ERBB2: variants seen among roughly 807,000 people sequenced by gnomAD.
ERBB2 encodes receptor tyrosine-protein kinase erbB-2.
In ERBB2, 61 loss-of-function variants were observed where a neutral mutation model predicts 149.0. The observed-to-expected ratio is 0.41, with a 90% confidence interval of 0.33 to 0.51. The LOEUF is 0.51. Ranked by LOEUF, ERBB2 falls within the 20% of genes least tolerant of loss-of-function variation. The pLI, the probability that ERBB2 is intolerant of heterozygous loss-of-function variation, is 0.25. For missense variants in ERBB2, 1,205 were observed against 1,655.1 expected (o/e 0.73, Z 4.72); for synonymous variants, 633 against 678.8 (o/e 0.93, Z 1.05).
At chr17:39,711,477 C>T (rs541577776) in intron 7 of ERBB2, among the ~76,000 whole-genome samples, 1 of 152,328 alleles carries the variant, frequency 6.6e-6, no homozygotes, top group Admixed American at 6.5e-5. Context: ...CAGGCATGAG[C>T]CATCGTGCCT....
At chr17:39,716,455 G>A (rs2145682499) in intron 13 of ERBB2, 22 bp downstream of exon 13, 1 of 1,612,914 alleles carries the variant, frequency 6.2e-7, no homozygotes, top group Non-Finnish European at 8.5e-7. Context: ...GGAGGAGAGG[G>A]TGGCTGGAGG....
In ERBB2 at chr17:39,700,163, C is replaced by G. The variant is rs1567892136; in HGVS notation, c.-76C>G. On this transcript the variant is annotated 5_prime_UTR_variant, in exon 1 of 27. Coordinates refer to ENST00000269571, the MANE Select transcript of ERBB2 (RefSeq NM_004448.4). ...TGCGCCGCGCGCCCGGCCCCCACCCCTCGCAGCACCCCGCGCCCCGCGCCC... is the reference window on the plus strand; with the variant it reads ...TGCGCCGCGCGCCCGGCCCCCACCCGTCGCAGCACCCCGCGCCCCGCGCCC... The G allele has an allele frequency of 6.7e-6, 9 of 1,335,158 alleles. No homozygotes were observed. Among genetic ancestry groups the G allele is most frequent in the South Asian group, 4.1e-5 (2 of 48,840 alleles). 82.7% of individuals were successfully genotyped at this position (1,335,158 alleles called of 1,614,324 possible).
At chr17:39,724,350 C>T (rs999400430) in intron 19 of ERBB2, among the ~76,000 whole-genome samples, 2 of 144,034 alleles carry the variant, frequency 1.4e-5, no homozygotes, top group African/African-American at 5.1e-5. Flanking sequence ...AGCTCAGCCT[C>T]CCAGGTTAAA....
Position 39,727,882 on chromosome 17 carries a change from A to G in ERBB2, c.3606A>G (p.Gly1202=), listed in dbSNP as rs2143307157. ...ENPEYLTPQG[G]AAPQPHPPPA... ...CCGAGTACTTGACACCCCAGGGAGG[A>G]GCTGCCCCTCAGCCCCACCCTCCTC... The change falls in exon 27 of 27, where the codon GGA becomes GGG. Residue 1202 remains glycine, a synonymous_variant. Coordinates refer to ENST00000269571, the MANE Select transcript of ERBB2 (RefSeq NM_004448.4). The surrounding 1 kb of genome is among the most constrained non-coding windows in gnomAD (Gnocchi z 4.3). The G allele has an allele frequency of 6.2e-7, 1 of 1,614,014 alleles. No individual in the cohort carries two copies. Among genetic ancestry groups the G allele is most frequent in the Non-Finnish European group, 8.5e-7 (1 of 1,179,970 alleles).
upstream of ERBB2, among the ~76,000 whole-genome samples, chr17:39,697,306 C>CCA (rs2057884789): frequency 1.3e-5 from 2 of 151,766 alleles, no homozygotes; most frequent in South Asian, 4.2e-4. Context: ...GTACAAAACT[C>CCA]CACCTTATCC....
chr17:39,717,652 C>T, intron 15 of ERBB2, 172 bp downstream of exon 15: 1 of 561,640 alleles, frequency 1.8e-6, no homozygotes. Flanking sequence ...AATTAATGCC[C>T]TAGCAGTTCT....
At position 39,712,419 on chromosome 17, in the gene ERBB2, CCTGGCATT is replaced by C; in HGVS notation, c.1120_1127del (p.Leu374SerfsTer6). 6.2e-7 allele frequency: 1 copy of C among 1,613,942 alleles called. No homozygotes were observed. The highest frequency in any genetic ancestry group is 8.5e-7 in the Non-Finnish European group (1 of 1,179,982). Reference sequence around the variant, plus strand: ...CTGGCTGCAAGAAGATCTTTGGGAGCCTGGCATTTCTGCCGGAGAGCTTTGATGGGTAA... The same window carrying C: ...CTGGCTGCAAGAAGATCTTTGGGAGCTCTGCCGGAGAGCTTTGATGGGTAA... On this transcript the variant is annotated frameshift_variant, in exon 9 of 27. Coordinates refer to ENST00000269571, the MANE Select transcript of ERBB2 (RefSeq NM_004448.4). LOFTEE classifies it high-confidence loss of function.
At chr17:39,692,881 G>A (rs1597840069), upstream of ERBB2, among the ~76,000 whole-genome samples, 1 of 151,820 alleles carries the variant, frequency 6.6e-6, no homozygotes, top group East Asian at 1.9e-4. Flanking sequence ...TGACCAAAAC[G>A]GTGAAAACTC....
At chr17:39,698,958 TAA>T (rs71149792), upstream of ERBB2, among the ~76,000 whole-genome samples, 209 of 137,756 alleles carry the variant, frequency 1.5e-3, no homozygotes, top group African/African-American at 2.5e-3. Flanking sequence ...TTGTTGAAAT[TAA>T]AAAAAAAAAA....
chr17:39,691,483 G>A (rs1212822937), upstream of ERBB2, among the ~76,000 whole-genome samples: 1 of 150,306 alleles, frequency 6.7e-6, no homozygotes, highest in Middle Eastern at 3.4e-3. Context: ...GTTGGAGGTT[G>A]CAGTGAGCCT....
At chr17:39,701,845 A>C (rs2058128214) in intron 1 of ERBB2, among the ~76,000 whole-genome samples, 1 of 152,180 alleles carries the variant, frequency 6.6e-6, no homozygotes, top group Non-Finnish European at 1.5e-5. Context: ...CCTCTCTTCC[A>C]GGGAGTACAT....
chr17:39,691,252 A>G (rs1234794920), upstream of ERBB2, among the ~76,000 whole-genome samples: 1 of 151,974 alleles, frequency 6.6e-6, no homozygotes, highest in Non-Finnish European at 1.5e-5. Context: ...AGTGTCAAAC[A>G]AAAGACTGAA....
rs368989970 is a variant in ERBB2, at chr17:39,715,798, C to T, written c.1372C>T (p.Leu458=). 1.9e-6 allele frequency: 3 copies of T among 1,610,110 alleles called. No homozygotes were observed. Among genetic ancestry groups the T allele is most frequent in the Non-Finnish European group, 2.5e-6 (3 of 1,180,016 alleles). ...LGISWLGLRS[L]RELGSGLALI... is the part of the protein sequence containing the mutation. The stretch of plus-strand genomic sequence containing the variant: ...CATCAGCTGGCTGGGGCTGCGCTCA[C>T]TGAGGGAACTGGGCAGTGGACTGGC... The change falls in exon 12 of 27, where the codon CTG becomes TTG. Residue 458 remains leucine (L), a synonymous_variant. Coordinates refer to ENST00000269571, the MANE Select transcript of ERBB2 (RefSeq NM_004448.4).
chr17:39,722,980 C>T (rs544164085), intron 16 of ERBB2, among the ~76,000 whole-genome samples: 2 of 152,278 alleles, frequency 1.3e-5, no homozygotes, highest in East Asian at 3.9e-4. Flanking sequence ...ACCTCAGACT[C>T]TCAAAGTGCT....
intron 15 of ERBB2, 125 bp downstream of exon 15, chr17:39,717,605 A>C: frequency 1.3e-6 from 1 of 759,888 alleles, no homozygotes; most frequent in Non-Finnish European, 2.1e-6. Flanking sequence ...CAAAAATAAC[A>C]CATTGTTAAA....
rs188050006 is a variant in ERBB2 at position 39,727,927 on chromosome 17, C to T, written c.3651C>T (p.Phe1217=). The change falls in exon 27 of 27, where the codon TTC becomes TTT. Residue 1217 remains phenylalanine, a synonymous_variant. Transcript: ENST00000269571. This position sits in a 1 kb window ranked among gnomAD's most constrained non-coding sequence, Gnocchi z 4.3. The part of the protein sequence containing the change: ...PHPPPAFSPA[F]DNLYYWDQDP... ...CTCCTCCTGCCTTCAGCCCAGCCTT[C>T]GACAACCTCTATTACTGGGACCAGG... 3.8e-5 allele frequency: 62 copies of T among 1,614,148 alleles called. 1 individual carries two copies. The highest frequency in any genetic ancestry group is 2.5e-4 in the East Asian group (11 of 44,888).
chr17:39,702,210 G>GGATC (rs2058151800), intron 1 of ERBB2, among the ~76,000 whole-genome samples: 1 of 152,228 alleles, frequency 6.6e-6, no homozygotes, highest in South Asian at 2.1e-4. Context: ...TGAGGCAGGA[G>GGATC]GATCACCTGA....
chr17:39,698,442 G>T (rs143946292), upstream of ERBB2, among the ~76,000 whole-genome samples: 1,263 of 151,962 alleles, frequency 8.3e-3, 9 homozygotes, highest in African/African-American at 0.026. Flanking sequence ...TGTATTTTTA[G>T]CAGAGACAGG....
chr17:39,695,994 G>A (rs1567889526), upstream of ERBB2, among the ~76,000 whole-genome samples: 3 of 152,008 alleles, frequency 2.0e-5, no homozygotes, highest in Non-Finnish European at 4.4e-5. Flanking sequence ...GCCCCACTCT[G>A]TTCCCACTCC....
Sources: allele counts gnomAD v4.1 joint callset (sites outside exome capture counted in the v4.1 genomes callset), GRCh38; gene constraint gnomAD v4.1.1; non-coding constraint Gnocchi (gnomAD v3.1); transcripts MANE v1.5; gene names NCBI Gene and HGNC (gene_info 2026-07-23, HGNC 2026-07-21).